Variants in CAMK4 observed in about 807,000 individuals in gnomAD.
CAMK4 encodes calcium/calmodulin-dependent protein kinase type IV.
CAMK4 carries 22 observed loss-of-function variants against 44.9 expected under a neutral mutation model. The observed-to-expected ratio is 0.49, with a 90% confidence interval of 0.35 to 0.70. CAMK4 has a LOEUF of 0.70. Ranked by LOEUF, CAMK4 falls within the 30% of genes least tolerant of loss-of-function variation. The pLI, the probability that CAMK4 is intolerant of heterozygous loss-of-function variation, is 0.01. For synonymous variants in CAMK4, 218 were observed against 215.4 expected, an observed-to-expected ratio of 1.01 and a Z score of -0.11; for missense variants, 498 against 586.8, an observed-to-expected ratio of 0.85 and a Z score of 1.56.
intron 7 of CAMK4, among the ~76,000 whole-genome samples, chr5:111,468,764 C>T (rs185046891): frequency 8.6e-4 from 131 of 152,076 alleles, no homozygotes; most frequent in African/African-American, 2.5e-3. Context: ...TGGATCACAA[C>T]GTCAGGAGTT....
chr5:111,333,081 AGTATATAAAAACAATG>A (rs1228847431), intron 1 of CAMK4, among the ~76,000 whole-genome samples: 3 of 151,686 alleles, frequency 2.0e-5, no homozygotes, highest in Non-Finnish European at 1.5e-5. Context: ...AAATCTAAAT[AGTATATAAAAACAATG>A]GTATATATTG....
intron 1 of CAMK4, among the ~76,000 whole-genome samples, chr5:111,229,156 A>T (rs1748341913): frequency 6.6e-6 from 1 of 152,212 alleles, no homozygotes; most frequent in Non-Finnish European, 1.5e-5. Context: ...ATATAACAAG[A>T]TGTCTTAGAC....
At chr5:111,416,585 C>T (rs1433644567) in intron 5 of CAMK4, 2 of 152,110 alleles carry the variant, frequency 1.3e-5, no homozygotes, top group Non-Finnish European at 2.9e-5. Context: ...AGATTTTGTT[C>T]CACCTTTGTT....
intron 1 of CAMK4, among the ~76,000 whole-genome samples, chr5:111,243,155 G>T (rs1240895358): frequency 2.0e-5 from 3 of 152,216 alleles, no homozygotes; most frequent in Non-Finnish European, 4.4e-5. Flanking sequence ...CTGCAATGGG[G>T]TCCTGCAGTG....
chr5:111,229,407 G>C (rs1748355286), intron 1 of CAMK4, among the ~76,000 whole-genome samples: 1 of 152,172 alleles, frequency 6.6e-6, no homozygotes, highest in Non-Finnish European at 1.5e-5. Context: ...GGGTTTAGCT[G>C]CATAACCTCA....
intron 9 of CAMK4, among the ~76,000 whole-genome samples, chr5:111,481,719 C>T (rs116218013): frequency 0.014 from 2,079 of 152,250 alleles, 47 homozygotes; most frequent in African/African-American, 0.047. Flanking sequence ...AGACCTGAGT[C>T]TAAATACAGG....
At chr5:111,443,685 A>G (rs1753927985) in intron 5 of CAMK4, among the ~76,000 whole-genome samples, 1 of 152,124 alleles carries the variant, frequency 6.6e-6, no homozygotes, top group Non-Finnish European at 1.5e-5. Flanking sequence ...AACAACATTT[A>G]GTGAGGATCT....
intron 1 of CAMK4, among the ~76,000 whole-genome samples, chr5:111,326,677 T>C (rs1458741062): frequency 9.1e-6 from 1 of 110,042 alleles, no homozygotes; most frequent in East Asian, 2.7e-4. Context: ...TGTGTAAAGC[T>C]ATAAATAAAA....
chr5:111,458,853 G>A (rs759974636), intron 7 of CAMK4, among the ~76,000 whole-genome samples: 3 of 152,156 alleles, frequency 2.0e-5, no homozygotes, highest in Non-Finnish European at 4.4e-5. Context: ...CACCAAGAAG[G>A]TTAGTTGGTT....
At chr5:111,307,233 G>C (rs1274996493) in intron 1 of CAMK4, among the ~76,000 whole-genome samples, 2 of 27,948 alleles carry the variant, frequency 7.2e-5, no homozygotes, top group East Asian at 1.0e-3. Flanking sequence ...GGCAACAAAA[G>C]CCAAAATTGA....
chr5:111,372,178 G>A (rs1751034199), intron 2 of CAMK4, among the ~76,000 whole-genome samples: 1 of 152,154 alleles, frequency 6.6e-6, no homozygotes, highest in Middle Eastern at 3.2e-3. Context: ...GAAACTGAGA[G>A]AGTAATACTT....
At chr5:111,422,399 T>C (rs747851073) in intron 5 of CAMK4, among the ~76,000 whole-genome samples, 3 of 152,202 alleles carry the variant, frequency 2.0e-5, no homozygotes, top group Non-Finnish European at 4.4e-5. Flanking sequence ...AAACTGAAAC[T>C]CAGAGATGGG....
At chr5:111,339,466 C>A (rs1239140114) in intron 1 of CAMK4, among the ~76,000 whole-genome samples, 1 of 151,190 alleles carries the variant, frequency 6.6e-6, no homozygotes, top group Non-Finnish European at 1.5e-5. Context: ...TTTCCCAGCA[C>A]CATTTATTAA....
intron 1 of CAMK4, among the ~76,000 whole-genome samples, chr5:111,266,922 T>G (rs1370076867): frequency 6.6e-6 from 1 of 152,254 alleles, no homozygotes; most frequent in Non-Finnish European, 1.5e-5. Context: ...CTCTGTTTTC[T>G]TTTCCCTTGC....
At chr5:111,365,568 C>T (rs1750761116) in intron 2 of CAMK4, among the ~76,000 whole-genome samples, 1 of 151,954 alleles carries the variant, frequency 6.6e-6, no homozygotes, top group South Asian at 2.1e-4. Context: ...GGTAGAGTTG[C>T]AGGATGCATT....
chr5:111,308,764 C>A (rs73786887), intron 1 of CAMK4, among the ~76,000 whole-genome samples: 1 of 152,002 alleles, frequency 6.6e-6, no homozygotes, highest in African/African-American at 2.4e-5. Flanking sequence ...ATACTGAATT[C>A]GTTAAAAGTG....
At chr5:111,445,350 T>C (rs1423383795) in intron 5 of CAMK4, among the ~76,000 whole-genome samples, 1 of 152,108 alleles carries the variant, frequency 6.6e-6, no homozygotes, top group Non-Finnish European at 1.5e-5. Context: ...TATATATAAG[T>C]AGGAAAATGG....
At chr5:111,226,067 T>C (rs1193326837) in intron 1 of CAMK4, among the ~76,000 whole-genome samples, 3 of 152,160 alleles carry the variant, frequency 2.0e-5, no homozygotes, top group Non-Finnish European at 4.4e-5. Context: ...CTACTTAAAA[T>C]TGTTTACTGG....
intron 2 of CAMK4, 144 bp from the exon 3 acceptor site, chr5:111,374,706 A>G (rs879052881): frequency 3.2e-6 from 2 of 615,636 alleles, no homozygotes; most frequent in Admixed American, 2.9e-5. Flanking sequence ...TGAAAAAGAA[A>G]GAGAGGAAGG....
Sources: allele counts gnomAD v4.1 joint callset (sites outside exome capture counted in the v4.1 genomes callset), GRCh38; gene constraint gnomAD v4.1.1; transcripts MANE v1.5; gene names NCBI Gene and HGNC (gene_info 2026-07-23, HGNC 2026-07-21).